The following PLA2G4D variants were observed in gnomAD, a reference collection of about 807,000 sequenced individuals.
PLA2G4D encodes the protein phospholipase A2 group IVD.
In PLA2G4D, 80 loss-of-function variants were observed where a neutral mutation model predicts 94.4. That is an observed-to-expected ratio of 0.85 (90% CI 0.71 to 1.02). PLA2G4D has a LOEUF of 1.02. PLA2G4D is among the 50% of genes least tolerant of loss of function. The pLI is 0.00. For synonymous variants in PLA2G4D, 438 were observed against 440.9 expected (o/e 0.99, Z 0.08); for missense variants, 1,050 against 1,034.7 (o/e 1.01, Z -0.20).
intron 13 of PLA2G4D, among the ~76,000 whole-genome samples, chr15:42,077,073 G>T (rs1889944509): frequency 7.5e-6 from 1 of 133,528 alleles, no homozygotes; most frequent in Middle Eastern, 3.3e-3. Flanking sequence ...AACAAGCAAT[G>T]AGATTGAAGC....
Position 42,084,036 on chromosome 15 carries a change from A to G in PLA2G4D, c.472-257T>C. 2.0e-6 allele frequency: 1 copy of G among 512,662 alleles called. No homozygotes were observed. Among genetic ancestry groups the G allele is most frequent in the South Asian group, 2.5e-5 (1 of 39,270 alleles). 31.8% of individuals were successfully genotyped at this position (512,662 alleles called of 1,614,324 possible). ...CTCCCCTGGCTTTGCCAAACTCCCG[A>G]AACCTCCTAGAGCGCCCAGCCCTCA... On this transcript the variant is annotated intron_variant, in intron 6 of 19. Transcript: ENST00000290472. This position sits in a 1 kb window ranked among gnomAD's most constrained non-coding sequence, Gnocchi z 4.8.
chr15:42,081,362 T>A, intron 11 of PLA2G4D, 117 bp downstream of exon 11: 1 of 1,493,552 alleles, frequency 6.7e-7, no homozygotes, highest in Non-Finnish European at 9.0e-7. Context: ...CGCTCCCATG[T>A]CTCCACACAC....
chr15:42,071,932 G>A, intron 14 of PLA2G4D, 21 bp from the exon 15 acceptor site: 1 of 1,612,648 alleles, frequency 6.2e-7, no homozygotes, highest in Non-Finnish European at 8.5e-7. Context: ...GGGAAGGAGA[G>A]GCAGGAGTGT....
chr15:42,091,757 C>T (rs1890249042), intron 1 of PLA2G4D, among the ~76,000 whole-genome samples: 1 of 152,204 alleles, frequency 6.6e-6, no homozygotes. Context: ...CCTGGCTCTG[C>T]CTTCTAGATA....
chr15:42,093,137 C>G (rs1406066245), intron 1 of PLA2G4D, among the ~76,000 whole-genome samples: 1 of 152,146 alleles, frequency 6.6e-6, no homozygotes, highest in Non-Finnish European at 1.5e-5. Context: ...GGCCCCTGTT[C>G]CAGCAGAAAT....
Position 42,069,995 on chromosome 15 carries a change from AG to A in PLA2G4D, c.2143del (p.Leu715SerfsTer57). The A allele has an allele frequency of 1.3e-6, 2 of 1,490,258 alleles. No individual in the cohort carries two copies. The highest frequency in any genetic ancestry group is 2.7e-5 in the South Asian group (2 of 73,786). 92.3% of individuals were successfully genotyped at this position (1,490,258 alleles called of 1,614,324 possible). On this transcript the variant is annotated frameshift_variant, in exon 19 of 20. Coordinates refer to ENST00000290472, the MANE Select transcript of PLA2G4D (RefSeq NM_178034.4). LOFTEE classifies it high-confidence loss of function. ...CTCGGGGCAGGCGGGGTCTGAGAAG[AG>A]GTGGCATTCCCTTGGCTGGTGCTGG... ...QDQHQPRECH[L>X]FSDPACPEAP...
At position 42,083,817 on chromosome 15, in the gene PLA2G4D, G is replaced by A. The variant is rs747483178; in HGVS notation, c.472-38C>T. The A allele has an allele frequency of 3.7e-6, 6 of 1,600,438 alleles. No homozygotes were observed. The South Asian group carries it at 6.6e-5, about 18-fold the overall frequency. ...ACATCATGGGCAGGGGCCTCTGCAG[G>A]GTAAGCTGAGGTCCCCTTAACCTCA... On this transcript the variant is annotated intron_variant, in intron 6 of 19. Coordinates refer to ENST00000290472, the MANE Select transcript of PLA2G4D (RefSeq NM_178034.4).
chr15:42,083,137 C>A, intron 8 of PLA2G4D, 61 bp downstream of exon 8: 1 of 1,564,952 alleles, frequency 6.4e-7, no homozygotes, highest in East Asian at 2.3e-5. Flanking sequence ...AGGGAGGGGC[C>A]CGCTGCAGCT....
At position 42,070,103 on chromosome 15, in the gene PLA2G4D, G is replaced by A. The variant is rs1889774180; in HGVS notation, c.2044-8C>T. The A allele has an allele frequency of 1.0e-5, 15 of 1,488,838 alleles. No homozygotes were observed. Among genetic ancestry groups the A allele is most frequent in the African/African-American group, 1.4e-5 (1 of 69,144 alleles). 92.2% of individuals were successfully genotyped at this position (1,488,838 alleles called of 1,614,324 possible). A position where few individuals can be genotyped will look rare whatever the true frequency, so the allele number is the denominator to read the frequency against. ...CTCCGTCTGCTGCAGTGCCTGGTGGGGAGAAGGTGGCCCGGAGAGAACCAG... is the reference window on the plus strand; with the variant it reads ...CTCCGTCTGCTGCAGTGCCTGGTGGAGAGAAGGTGGCCCGGAGAGAACCAG... On this transcript the variant is annotated splice_polypyrimidine_tract_variant and splice_region_variant and intron_variant, in intron 18 of 19. Coordinates refer to ENST00000290472, the MANE Select transcript of PLA2G4D (RefSeq NM_178034.4).
intron 1 of PLA2G4D, among the ~76,000 whole-genome samples, 197 bp downstream of exon 1, chr15:42,094,218 C>A (rs1343579035): frequency 6.6e-6 from 1 of 152,152 alleles, no homozygotes; most frequent in Non-Finnish European, 1.5e-5. Flanking sequence ...CTCTGCTGAC[C>A]AGACTCACGT....
At position 42,084,967 on chromosome 15, in the gene PLA2G4D, G is replaced by A. The variant is rs1890112073; in HGVS notation, c.471+129C>T. The A allele has an allele frequency of 1.9e-6, 2 of 1,047,488 alleles. No homozygotes were observed. 64.9% of individuals were successfully genotyped at this position (1,047,488 alleles called of 1,614,324 possible). A position where few individuals can be genotyped will look rare whatever the true frequency, so the allele number is the denominator to read the frequency against. The stretch of plus-strand genomic sequence containing the variant: ...CCACAGGTGACCACCTGGCTGGAAG[G>A]CTAGGGGTGGTTTTACCACGAAGCC... On this transcript the variant is annotated intron_variant, in intron 6 of 19. Coordinates refer to ENST00000290472, the MANE Select transcript of PLA2G4D (RefSeq NM_178034.4). The surrounding 1 kb of genome is among the most constrained non-coding windows in gnomAD (Gnocchi z 4.8).
intron 15 of PLA2G4D, 101 bp downstream of exon 15, chr15:42,071,673 C>CCCCCA: frequency 7.3e-7 from 1 of 1,367,042 alleles, no homozygotes; most frequent in Non-Finnish European, 1.0e-6. Flanking sequence ...GCCACCCCTC[C>CCCCCA]CCCTTGTCCT....
At chr15:42,087,899 G>A (rs752694868) in intron 1 of PLA2G4D, among the ~76,000 whole-genome samples, 199 bp from the exon 2 acceptor site, 3 of 152,226 alleles carry the variant, frequency 2.0e-5, no homozygotes, top group Non-Finnish European at 4.4e-5. Context: ...GTTCTGGGCT[G>A]CAGCAGTCAG....
Position 42,094,511 on chromosome 15 carries a change from C to T in PLA2G4D, c.-52G>A, listed in dbSNP as rs779883747. 5.1e-5 allele frequency: 82 copies of T among 1,610,698 alleles called. No individual in the cohort carries two copies. The highest frequency in any genetic ancestry group is 6.8e-5 in the Non-Finnish European group (80 of 1,177,354). On this transcript the variant is annotated 5_prime_UTR_variant, in exon 1 of 20. Coordinates refer to ENST00000290472, the MANE Select transcript of PLA2G4D (RefSeq NM_178034.4). ...CCCAGCCCTTGCCAAGATGCTGGCT[C>T]TCTGGCTGAGTGGCAGCGACGGTCC...
At chr15:42,092,861 G>A (rs1030509230) in intron 1 of PLA2G4D, among the ~76,000 whole-genome samples, 2 of 152,236 alleles carry the variant, frequency 1.3e-5, no homozygotes, top group African/African-American at 2.4e-5. Context: ...GGGGTCCAGA[G>A]TATCCTTGCC....
At position 42,082,234 on chromosome 15, in the gene PLA2G4D, A is replaced by G. The variant is rs1890051575; in HGVS notation, c.783+45T>C. 7 of 1,513,838 alleles carry G rather than the reference A, an allele frequency of 4.6e-6. No individual in the cohort carries two copies. The East Asian group carries it at 1.4e-4, about 29-fold the overall frequency. The allele number at this position is 1,513,838 out of a possible 1,614,324, so 93.8% of individuals were successfully genotyped here. ...GGCTTGAGCCACAGAGCCCAGCCTT[A>G]TCTTCATTCTTACTGGCATTTCCCA... On this transcript the variant is annotated intron_variant, in intron 9 of 19. Transcript: ENST00000290472.
Position 42,071,309 on chromosome 15 carries a change from G to C in PLA2G4D, c.1690C>G (p.Pro564Ala). 6.3e-7 allele frequency: 1 copy of C among 1,581,338 alleles called. No individual in the cohort carries two copies. Among genetic ancestry groups the C allele is most frequent in the Non-Finnish European group, 8.6e-7 (1 of 1,167,852 alleles). The change falls in exon 17 of 20, where the codon CCC (proline) becomes GCC (alanine). Residue 564 changes from proline (P) to alanine (A), a missense_variant. Physicochemically the swap from Pro to Ala is conservative, Grantham distance 27. Transcript: ENST00000290472. ...GAGGAGGTCCCCGAGGTGGTCAGGGGCTCCTTCTCTGAAGCCAGAGAAACA... is the reference window on the plus strand; with the variant it reads ...GAGGAGGTCCCCGAGGTGGTCAGGGCCTCCTTCTCTGAAGCCAGAGAAACA... ...KDKTRSLEKE[P>A]LTTSGTSSRL...
At chr15:42,077,459 A>G (rs1336782026) in intron 13 of PLA2G4D, among the ~76,000 whole-genome samples, 1 of 152,272 alleles carries the variant, frequency 6.6e-6, no homozygotes, top group Non-Finnish European at 1.5e-5. Flanking sequence ...GATACATCAC[A>G]TCAACAGATA....
chr15:42,094,259 C>G (rs1188449222), intron 1 of PLA2G4D, among the ~76,000 whole-genome samples, 156 bp downstream of exon 1: 1 of 152,162 alleles, frequency 6.6e-6, no homozygotes, highest in Non-Finnish European at 1.5e-5. Context: ...GGATGCTGCT[C>G]ACCCACCCCA....
Sources: allele counts gnomAD v4.1 joint callset (sites outside exome capture counted in the v4.1 genomes callset), GRCh38; gene constraint gnomAD v4.1.1; non-coding constraint Gnocchi (gnomAD v3.1); transcripts MANE v1.5; gene names NCBI Gene and HGNC (gene_info 2026-07-23, HGNC 2026-07-21).